The following FAM186A variants were observed in gnomAD, a reference collection of about 807,000 sequenced individuals.
FAM186A encodes the protein family with sequence similarity 186 member A.
FAM186A carries 163 observed loss-of-function variants against 216.8 expected under a neutral mutation model. The ratio of observed to expected loss-of-function variants is 0.75; its 90% CI spans 0.66 to 0.86. FAM186A has a LOEUF of 0.86. FAM186A is among the 40% of genes least tolerant of loss of function. The pLI is 0.00. For synonymous variants in FAM186A, 805 were observed against 1,025.3 expected (o/e 0.79, Z 4.10); for missense variants, 2,184 against 2,746.2 (o/e 0.80, Z 4.58).
intron 1 of FAM186A, among the ~76,000 whole-genome samples, chr12:50,364,995 A>G (rs10783354): frequency 0.99 from 146,004 of 146,756 alleles, 72,636 homozygotes; most frequent in Middle Eastern, 1. Flanking sequence ...CCGAGATCGC[A>G]CCATTGCACT....
chr12:50,354,503 T>C lies in FAM186A; in HGVS notation c.2329A>G (p.Thr777Ala). Residue 777 changes from threonine (T) to alanine (A), a missense_variant, in exon 4 of 8, where the codon ACC (threonine) becomes GCC (alanine). By Grantham distance (58) the Thr-to-Ala change is moderately conservative (BLOSUM62 0). Coordinates refer to ENST00000327337, the MANE Select transcript of FAM186A (RefSeq NM_001145475.3). ...TCTGTGCTCTCATATGAGAGGAGGG[T>C]ACTGCTTTCAGATTTTGCACTAATT... ...SPISAKSESS[T>A]LLSYESTDPV... The C allele has an allele frequency of 6.4e-7, 1 of 1,551,660 alleles. No individual in the cohort carries two copies. The highest frequency in any genetic ancestry group is 1.7e-4 in the Middle Eastern group (1 of 5,992).
At position 50,381,019 on chromosome 12, in the gene FAM186A, C is replaced by CT. The variant is rs1333099339; in HGVS notation, c.192+15273_192+15274insA. Among the ~76,000 whole-genome samples, 5 of 152,308 alleles carry CT rather than the reference C, an allele frequency of 3.3e-5. No individual in the cohort carries two copies. In the South Asian group the frequency reaches 8.3e-4, roughly 25 times the overall value. ...ACTCCCTGTGAGGCTGTGGCTGGACCAGGCATACTGCAAGCAGCTTCCACA... is the reference window on the plus strand; with the variant it reads ...ACTCCCTGTGAGGCTGTGGCTGGACCTAGGCATACTGCAAGCAGCTTCCACA... On this transcript the variant is annotated intron_variant, in intron 1 of 7. Transcript: ENST00000327337.
chr12:50,392,231 G>A (rs934747655), intron 1 of FAM186A, among the ~76,000 whole-genome samples: 3 of 152,022 alleles, frequency 2.0e-5, no homozygotes, highest in African/African-American at 7.2e-5. Context: ...TCATTATGTC[G>A]ATGTGGTGAA....
rs535579607 is a variant in FAM186A at position 50,334,092 on chromosome 12, A to G, written c.6515T>C (p.Met2172Thr). 32 of 1,544,284 alleles carry G rather than the reference A, an allele frequency of 2.1e-5. No individual in the cohort carries two copies. Among genetic ancestry groups the G allele is most frequent in the Non-Finnish European group, 2.6e-5 (30 of 1,144,958 alleles). ...ATTTTGGATGGCTTTTAGTCGTTTC[A>G]TTATGTTGTTCCTTGAAAAGATTAA... Reference protein sequence around the residue: ...RLIQHARNNIMKRLKAIQNTG... With the variant: ...RLIQHARNNITKRLKAIQNTG... Residue 2172 changes from methionine (M) to threonine (T), a missense_variant, in exon 5 of 8, where the codon ATG becomes ACG. Met to Thr is a moderately conservative substitution (Grantham distance 81, BLOSUM62 -1). Coordinates refer to ENST00000327337, the MANE Select transcript of FAM186A (RefSeq NM_001145475.3).
intron 4 of FAM186A, among the ~76,000 whole-genome samples, chr12:50,338,251 G>C (rs1163426478): frequency 6.6e-6 from 1 of 152,116 alleles, no homozygotes; most frequent in Non-Finnish European, 1.5e-5. Flanking sequence ...GCCCAGGCTG[G>C]AGTACAATGG....
chr12:50,386,801 G>C (rs549372928), intron 1 of FAM186A, among the ~76,000 whole-genome samples: 1 of 150,616 alleles, frequency 6.6e-6, no homozygotes, highest in African/African-American at 2.4e-5. Flanking sequence ...GGGGTGGGGG[G>C]GTTAGGGAGA....
chr12:50,356,266 A>G lies in FAM186A; in HGVS notation c.584-18T>C. 6.7e-7 allele frequency: 1 copy of G among 1,500,026 alleles called. No individual in the cohort carries two copies. Among genetic ancestry groups the G allele is most frequent in the Non-Finnish European group, 8.9e-7 (1 of 1,127,972 alleles). The allele number at this position is 1,500,026 out of a possible 1,614,324, so 92.9% of individuals were successfully genotyped here. On this transcript the variant is annotated intron_variant, in intron 3 of 7. Transcript: ENST00000327337. ...TCTAGATACTGAAGAACAAAACATA[A>G]AACAGTGAGATGGCATTTTTTTCTT... is the stretch of plus-strand genomic sequence containing the variant.
intron 1 of FAM186A, among the ~76,000 whole-genome samples, chr12:50,381,145 G>A (rs1266983061): frequency 3.3e-5 from 5 of 152,188 alleles, no homozygotes; most frequent in African/African-American, 9.6e-5. Flanking sequence ...GAGTTTCTAG[G>A]TCTGGGCTCC....
chr12:50,337,628 C>T (rs1425418516), intron 4 of FAM186A, among the ~76,000 whole-genome samples: 5 of 151,074 alleles, frequency 3.3e-5, no homozygotes, highest in South Asian at 4.2e-4. Context: ...CCGGGCGCGG[C>T]GGCTCACGCC....
intron 1 of FAM186A, chr12:50,365,679 G>A (rs1364677515): frequency 6.9e-6 from 5 of 720,206 alleles, no homozygotes; most frequent in Middle Eastern, 2.4e-4. Context: ...TGTGACTTCC[G>A]ACTGAAGCAA....
intron 4 of FAM186A, among the ~76,000 whole-genome samples, chr12:50,346,261 G>T (rs567102786): frequency 6.6e-6 from 1 of 150,736 alleles, no homozygotes; most frequent in South Asian, 2.1e-4. Flanking sequence ...AAGAAAGAAA[G>T]AAAGTCATAC....
chr12:50,357,077 A>G (rs1942985602), intron 3 of FAM186A, among the ~76,000 whole-genome samples: 1 of 152,216 alleles, frequency 6.6e-6, no homozygotes, highest in Non-Finnish European at 1.5e-5. Flanking sequence ...ATGTAATTCA[A>G]GACAAAACTT....
intron 1 of FAM186A, among the ~76,000 whole-genome samples, chr12:50,364,419 G>A (rs964385207): frequency 1.2e-4 from 18 of 151,704 alleles, no homozygotes; most frequent in Non-Finnish European, 1.9e-4. Flanking sequence ...TTAGCTGGGC[G>A]TGGTGGCGGG....
chr12:50,365,620 T>C (rs1943079831), intron 1 of FAM186A: 1 of 602,942 alleles, frequency 1.7e-6, no homozygotes, highest in Non-Finnish European at 3.0e-6. Flanking sequence ...CTCTTCCCTT[T>C]TGCCGCCATC....
At chr12:50,383,047 T>C (rs1050994146) in intron 1 of FAM186A, among the ~76,000 whole-genome samples, 2 of 150,830 alleles carry the variant, frequency 1.3e-5, no homozygotes, top group African/African-American at 2.4e-5. Context: ...AGAAACCCCA[T>C]CTCTATAAAA....
intron 1 of FAM186A, among the ~76,000 whole-genome samples, chr12:50,363,705 A>C (rs1357066328): frequency 1.3e-5 from 2 of 151,746 alleles, no homozygotes; most frequent in East Asian, 3.9e-4. Flanking sequence ...TACTAAATAC[A>C]CAGTTGATGT....
chr12:50,391,979 A>G (rs1169344515), intron 1 of FAM186A, among the ~76,000 whole-genome samples: 1 of 152,170 alleles, frequency 6.6e-6, no homozygotes, highest in Admixed American at 6.6e-5. Context: ...AAAGGAATCA[A>G]CTATTCATAT....
chr12:50,394,669 C>G (rs1943395409), intron 1 of FAM186A, among the ~76,000 whole-genome samples: 1 of 150,246 alleles, frequency 6.7e-6, no homozygotes, highest in South Asian at 2.1e-4. Context: ...TCAAGCGATC[C>G]TCCTGTCTTG....
chr12:50,390,448 C>T (rs368827500), intron 1 of FAM186A, among the ~76,000 whole-genome samples: 3 of 152,018 alleles, frequency 2.0e-5, no homozygotes, highest in Admixed American at 6.6e-5. Context: ...TATTTTCATT[C>T]GACCGAGGAA....
Sources: gnomAD v4.1 joint callset for allele counts (sites outside exome capture counted in the v4.1 genomes callset) on GRCh38, gnomAD v4.1.1 for gene constraint, MANE v1.5 for transcripts, NCBI Gene and HGNC (gene_info 2026-07-23, HGNC 2026-07-21) for gene names.